Variants in GPHN observed in about 807,000 individuals in gnomAD.
GPHN encodes the protein gephyrin.
Under a neutral mutation model 95.5 loss-of-function variants are expected in GPHN, and 17 were observed. The observed-to-expected ratio is 0.18, with a 90% CI of 0.12 to 0.27. The LOEUF (loss-of-function observed/expected upper bound fraction) is 0.27. GPHN is among the 10% of genes least tolerant of loss of function. GPHN has a pLI of 1.00. For synonymous variants in GPHN, 320 were observed against 322.5 expected (o/e 0.99, Z 0.08); for missense variants, 660 against 978.1 (o/e 0.67, Z 4.34).
intron 10 of GPHN, among the ~76,000 whole-genome samples, chr14:67,056,880 C>T (rs913971646): frequency 1.3e-5 from 2 of 152,328 alleles, no homozygotes; most frequent in Middle Eastern, 6.8e-3. Context: ...GCGGCTGAGG[C>T]CCAGCGAGAA....
chr14:66,763,174 CAATA>C (rs1462570570), intron 2 of GPHN, among the ~76,000 whole-genome samples: 1 of 150,908 alleles, frequency 6.6e-6, no homozygotes, highest in Non-Finnish European at 1.5e-5. Flanking sequence ...TAGAGAAAGA[CAATA>C]AAAGTAATAA....
chr14:66,729,501 C>T (rs1323201247), intron 2 of GPHN, among the ~76,000 whole-genome samples: 3 of 151,918 alleles, frequency 2.0e-5, no homozygotes, highest in Middle Eastern at 3.2e-3. Flanking sequence ...TTGGTTATAG[C>T]GATCTACGAG....
chr14:66,836,722 A>T (rs1384937100), intron 4 of GPHN, among the ~76,000 whole-genome samples: 3 of 150,748 alleles, frequency 2.0e-5, no homozygotes, highest in Non-Finnish European at 4.4e-5. Context: ...TCCAGAATCT[A>T]CAATGAACTC....
At chr14:66,587,961 G>A (rs1255845500) in intron 1 of GPHN, among the ~76,000 whole-genome samples, 1 of 152,144 alleles carries the variant, frequency 6.6e-6, no homozygotes, top group Non-Finnish European at 1.5e-5. Context: ...TCCCAGCAAG[G>A]GTTGACAGAC....
intron 1 of GPHN, among the ~76,000 whole-genome samples, chr14:66,597,670 G>A (rs1182513552): frequency 6.6e-6 from 1 of 152,198 alleles, no homozygotes; most frequent in Non-Finnish European, 1.5e-5. Context: ...GCACCCAGGA[G>A]GGTAGGGCTC....
At chr14:67,732,616 G>A in the GPHN span, among the ~76,000 whole-genome samples, 3 of 150,880 alleles carry the variant, frequency 2.0e-5, no homozygotes, top group Admixed American at 6.6e-5. Context: ...CGGTCTTGTC[G>A]CCCAGGCTGG....
At chr14:66,775,185 A>G (rs1307589892) in intron 2 of GPHN, among the ~76,000 whole-genome samples, 1 of 152,078 alleles carries the variant, frequency 6.6e-6, no homozygotes, top group African/African-American at 2.4e-5. Context: ...AATGGAAACC[A>G]GAATGGTATT....
intron 16 of GPHN, among the ~76,000 whole-genome samples, chr14:67,117,561 C>G (rs1211280904): frequency 6.6e-6 from 1 of 152,116 alleles, no homozygotes; most frequent in Non-Finnish European, 1.5e-5. Context: ...GCAGCTAACC[C>G]TGAAACCTAA....
the GPHN span, among the ~76,000 whole-genome samples, chr14:67,553,133 A>G: frequency 6.6e-6 from 1 of 151,412 alleles, no homozygotes; most frequent in Non-Finnish European, 1.5e-5. Context: ...TTTCCATCAG[A>G]TGAAGTCAGA....
chr14:67,414,642 T>C, the GPHN span, among the ~76,000 whole-genome samples: 1 of 152,276 alleles, frequency 6.6e-6, no homozygotes, highest in Non-Finnish European at 1.5e-5. Context: ...CTATTAGGTC[T>C]GTGTTTAAGT....
chr14:66,924,209 A>T lies in GPHN; in HGVS notation c.745A>T (p.Thr249Ser). 1 of 1,601,710 alleles carries T rather than the reference A, an allele frequency of 6.2e-7. No individual in the cohort carries two copies. The highest frequency in any genetic ancestry group is 8.6e-7 in the Non-Finnish European group (1 of 1,168,696). The stretch of plus-strand genomic sequence containing the variant: ...TGTGCATTAGAAGCATCCATTCTAC[A>T]CCAGTCCTGCTGTTGTCATGGCACA... ...AIAAKKHPFY[T>S]SPAVVMAHGE... The change falls in exon 8 of 23, where the codon ACC becomes TCC. Residue 249 changes from threonine (T) to serine (S), a missense_variant. Transcript: ENST00000478722.
At chr14:66,877,508 C>T (rs1199645558) in intron 4 of GPHN, among the ~76,000 whole-genome samples, 1 of 152,136 alleles carries the variant, frequency 6.6e-6, no homozygotes, top group Non-Finnish European at 1.5e-5. Flanking sequence ...CCCAAAATCT[C>T]CTTAAGCTGG....
the GPHN span, chr14:67,583,730 T>G: frequency 6.2e-7 from 1 of 1,608,256 alleles, no homozygotes; most frequent in Non-Finnish European, 8.5e-7. Context: ...CTTCATATGC[T>G]TCTACCACAG....
intron 2 of GPHN, among the ~76,000 whole-genome samples, chr14:66,737,776 C>T (rs2072429592): frequency 1.3e-5 from 2 of 152,136 alleles, no homozygotes; most frequent in South Asian, 2.1e-4. Context: ...ACCAGCCAAC[C>T]GTGTGCTTAA....
Position 67,138,456 on chromosome 14 carries a change from A to G in GPHN, c.1749-4906A>G, listed in dbSNP as rs143822537. ...AATCATGAACTGTTTTCTCTCTATT[A>G]TATTATTCATGATTATAACCCTTGT... On this transcript the variant is annotated intron_variant, in intron 17 of 22. Coordinates refer to ENST00000478722, the MANE Select transcript of GPHN (RefSeq NM_020806.5). Among the ~76,000 whole-genome samples the G allele has an allele frequency of 3.1e-3, 469 of 152,184 alleles. 5 individuals are homozygous for G. Among genetic ancestry groups the G allele is most frequent in the African/African-American group, 0.011 (449 of 41,532 alleles).
intron 1 of GPHN, among the ~76,000 whole-genome samples, chr14:66,673,240 G>A (rs751249078): frequency 6.6e-6 from 1 of 151,986 alleles, no homozygotes; most frequent in Non-Finnish European, 1.5e-5. Flanking sequence ...CTACCAGTGC[G>A]TGCCACCACG....
chr14:66,558,708 T>A (rs1185372282), intron 1 of GPHN, among the ~76,000 whole-genome samples: 1 of 152,094 alleles, frequency 6.6e-6, no homozygotes, highest in African/African-American at 2.4e-5. Context: ...AAGTTAATCT[T>A]GAATTAACAG....
chr14:67,524,185 G>A, the GPHN span, among the ~76,000 whole-genome samples: 6 of 152,024 alleles, frequency 3.9e-5, no homozygotes, highest in Admixed American at 2.6e-4. Context: ...CCAAGTTCCC[G>A]GGCTCAATCT....
At chr14:66,622,379 G>T (rs1015473104) in intron 1 of GPHN, among the ~76,000 whole-genome samples, 48 of 152,136 alleles carry the variant, frequency 3.2e-4, no homozygotes, top group African/African-American at 1.2e-3. Context: ...GATGGGAGGG[G>T]CTGCCATGAA....
Sources: allele counts gnomAD v4.1 joint callset (sites outside exome capture counted in the v4.1 genomes callset), GRCh38; gene constraint gnomAD v4.1.1; transcripts MANE v1.5; gene names NCBI Gene and HGNC (gene_info 2026-07-23, HGNC 2026-07-21).